DYRK1A: variants seen among roughly 807,000 people sequenced by gnomAD.
DYRK1A encodes the protein dual specificity tyrosine-phosphorylation-regulated kinase 1A.
In DYRK1A, 9 loss-of-function variants were observed where a neutral mutation model predicts 79.7. The observed-to-expected ratio is 0.11, with a 90% confidence interval of 0.07 to 0.20. The LOEUF is 0.20. Ranked by LOEUF, DYRK1A falls within the 10% of genes least tolerant of loss-of-function variation. The probability of loss-of-function intolerance (pLI) is 1.00; values close to 1 mark genes in which losing one functional copy is unlikely to be tolerated. For synonymous variants in DYRK1A, 349 were observed against 329.7 expected, an observed-to-expected ratio of 1.06 and a Z score of -0.63; for missense variants, 622 against 956.0, an observed-to-expected ratio of 0.65 and a Z score of 4.61.
At chr21:37,406,280 CATAGCTATTCCAGTTAACTGAGGTTT>C (rs2050144468) in intron 1 of DYRK1A, among the ~76,000 whole-genome samples, 1 of 152,124 alleles carries the variant, frequency 6.6e-6, no homozygotes, top group Non-Finnish European at 1.5e-5. Flanking sequence ...GCATACATTC[CATAGCTATTCCAGTTAACTGAGGTTT>C]ATATCCATAA....
chr21:37,435,293 T>C lies in DYRK1A; in HGVS notation c.10+14909T>C, dbSNP rs1427705542. ...ATCCTGACTAACAGTTCCAATCATATGGTGTCGGTTTAGTGGTAGGCTATG... is the reference window on the plus strand; with the variant it reads ...ATCCTGACTAACAGTTCCAATCATACGGTGTCGGTTTAGTGGTAGGCTATG... On this transcript the variant is annotated intron_variant, in intron 2 of 11. Transcript: ENST00000647188. Among the ~76,000 whole-genome samples the C allele has an allele frequency of 3.9e-5, 6 of 152,316 alleles. No individual in the cohort carries two copies. In the South Asian group the frequency reaches 1.0e-3, roughly 26 times the overall value.
intron 2 of DYRK1A, among the ~76,000 whole-genome samples, chr21:37,459,518 T>C (rs1349072841): frequency 1.0e-5 from 1 of 98,514 alleles, no homozygotes; most frequent in Non-Finnish European, 2.2e-5. Flanking sequence ...TGAAAGTACT[T>C]TCTGTCTCAC....
chr21:37,403,759 A>G (rs1283403235), intron 1 of DYRK1A, among the ~76,000 whole-genome samples: 1 of 147,770 alleles, frequency 6.8e-6, no homozygotes, highest in Non-Finnish European at 1.5e-5. Flanking sequence ...CTCCCAAACC[A>G]TGCCTGGCAT....
Position 37,472,877 on chromosome 21 carries a change from C to T in DYRK1A, c.204C>T (p.Asn68=). ...YSDQIQQPLT[N]QRRMPQTFRD... Reference sequence around the variant, plus strand: ...ACCAGATTCAGCAACCTCTAACTAACCAGGTAAGTTCATGGAGTATCAGAA... The same window carrying T: ...ACCAGATTCAGCAACCTCTAACTAATCAGGTAAGTTCATGGAGTATCAGAA... The change falls in exon 3 of 12, where the codon AAC becomes AAT. Residue 68 remains asparagine, a synonymous_variant. Coordinates refer to ENST00000647188, the MANE Select transcript of DYRK1A (RefSeq NM_001347721.2). 3.2e-6 allele frequency: 5 copies of T among 1,563,094 alleles called. No individual in the cohort carries two copies. The highest frequency in any genetic ancestry group is 4.4e-6 in the Non-Finnish European group (5 of 1,146,626).
intron 1 of DYRK1A, among the ~76,000 whole-genome samples, chr21:37,403,680 T>A (rs2050099622): frequency 6.8e-6 from 1 of 147,864 alleles, no homozygotes; most frequent in South Asian, 2.1e-4. Flanking sequence ...TGTGTGTGTG[T>A]GTGTGTGTGT....
chr21:37,427,593 G>T (rs2050662328), intron 2 of DYRK1A, among the ~76,000 whole-genome samples: 1 of 152,112 alleles, frequency 6.6e-6, no homozygotes, highest in Admixed American at 6.5e-5. Flanking sequence ...TACTATTATC[G>T]TGTTTTTTGT....
chr21:37,497,601 A>G (rs550566451), intron 9 of DYRK1A, among the ~76,000 whole-genome samples: 47 of 152,342 alleles, frequency 3.1e-4, no homozygotes, highest in African/African-American at 1.1e-3. Flanking sequence ...TCTCTGTGAT[A>G]CAGGCTGCTG....
At chr21:37,462,546 T>A (rs887731670) in intron 2 of DYRK1A, among the ~76,000 whole-genome samples, 2 of 152,200 alleles carry the variant, frequency 1.3e-5, no homozygotes, top group South Asian at 2.1e-4. Context: ...CCCTGGTAGT[T>A]GTTCTGTGCC....
chr21:37,390,947 G>T (rs1284993701), intron 1 of DYRK1A, among the ~76,000 whole-genome samples: 3 of 152,136 alleles, frequency 2.0e-5, no homozygotes, highest in Non-Finnish European at 4.4e-5. Flanking sequence ...TATTTTTGAG[G>T]AATACAGACC....
chr21:37,440,367 C>T (rs2051065695), intron 2 of DYRK1A, among the ~76,000 whole-genome samples: 2 of 151,756 alleles, frequency 1.3e-5, no homozygotes, highest in Admixed American at 6.6e-5. Context: ...GAACTCCTGA[C>T]CTCAAGTGAT....
At chr21:37,439,121 A>G (rs1385997299) in intron 2 of DYRK1A, among the ~76,000 whole-genome samples, 3 of 152,214 alleles carry the variant, frequency 2.0e-5, no homozygotes, top group South Asian at 2.1e-4. Context: ...TAGAAATACA[A>G]TTGATATAAA....
chr21:37,429,892 T>C (rs1013142892), intron 2 of DYRK1A, among the ~76,000 whole-genome samples: 1 of 152,252 alleles, frequency 6.6e-6, no homozygotes, highest in Non-Finnish European at 1.5e-5. Flanking sequence ...TTAAAATTCT[T>C]CTCTTGGTTG....
intron 1 of DYRK1A, among the ~76,000 whole-genome samples, chr21:37,406,370 C>A (rs2050145791): frequency 6.6e-6 from 1 of 152,118 alleles, no homozygotes; most frequent in Admixed American, 6.6e-5. Context: ...AGACCCCAGG[C>A]ACCAACACAC....
At chr21:37,379,056 AGG>A (rs2049605064) in intron 1 of DYRK1A, among the ~76,000 whole-genome samples, 1 of 152,084 alleles carries the variant, frequency 6.6e-6, no homozygotes, top group Non-Finnish European at 1.5e-5. Context: ...GCATCAGATG[AGG>A]GAGAGAGGGA....
chr21:37,522,064 G>A lies in DYRK1A; in HGVS notation c.*9533G>A, dbSNP rs1166535903. The A allele has an allele frequency of 3.9e-5, 6 of 152,152 alleles. No homozygotes were observed. The highest frequency in any genetic ancestry group is 6.5e-5 in the Admixed American group (1 of 15,284). The allele number at this position is 152,152 out of a possible 1,614,324, so 9.4% of individuals were successfully genotyped here. A position where few individuals can be genotyped will look rare whatever the true frequency, so the allele number is the denominator to read the frequency against. Reference sequence around the variant, plus strand: ...GAGTTGGGAGGACAGCCTAGGATACGTAAATAAGAGAATCTTGTATGTTCT... The same window carrying A: ...GAGTTGGGAGGACAGCCTAGGATACATAAATAAGAGAATCTTGTATGTTCT... On this transcript the variant is annotated 3_prime_UTR_variant, in exon 12 of 12. Coordinates refer to ENST00000647188, the MANE Select transcript of DYRK1A (RefSeq NM_001347721.2).
At chr21:37,414,053 G>T (rs1424007695) in intron 1 of DYRK1A, among the ~76,000 whole-genome samples, 1 of 152,028 alleles carries the variant, frequency 6.6e-6, no homozygotes, top group Non-Finnish European at 1.5e-5. Flanking sequence ...AATATAAATT[G>T]TTGATATAAA....
chr21:37,457,788 G>A (rs958985176), intron 2 of DYRK1A, among the ~76,000 whole-genome samples: 3 of 151,766 alleles, frequency 2.0e-5, no homozygotes, highest in Non-Finnish European at 2.9e-5. Flanking sequence ...TCCTCTATGT[G>A]TATGCTTCTC....
intron 4 of DYRK1A, among the ~76,000 whole-genome samples, chr21:37,479,441 T>G (rs2052519812): frequency 6.6e-6 from 1 of 152,082 alleles, no homozygotes; most frequent in Non-Finnish European, 1.5e-5. Flanking sequence ...TTTAAGTGTC[T>G]TAACCACGTT....
intron 5 of DYRK1A, chr21:37,481,787 C>G (rs907807286): frequency 6.6e-6 from 1 of 152,188 alleles, no homozygotes; most frequent in African/African-American, 2.4e-5. Flanking sequence ...AGAAGGATCA[C>G]CTGAGCCCAG....
Sources: gnomAD v4.1 joint callset for allele counts (sites outside exome capture counted in the v4.1 genomes callset) on GRCh38, gnomAD v4.1.1 for gene constraint, MANE v1.5 for transcripts, NCBI Gene and HGNC (gene_info 2026-07-23, HGNC 2026-07-21) for gene names.